The following SIPA1L1 variants were observed in gnomAD, a reference collection of about 807,000 sequenced individuals.
SIPA1L1 encodes signal induced proliferation associated 1 like 1, also known as signal-induced proliferation-associated 1-like protein 1.
In SIPA1L1, 26 loss-of-function variants were observed where a neutral mutation model predicts 162.7. The ratio of observed to expected loss-of-function variants is 0.16; its 90% CI spans 0.12 to 0.22. The LOEUF (loss-of-function observed/expected upper bound fraction) is 0.22, where lower values mean the gene tolerates loss of function less well. Ranked by LOEUF, SIPA1L1 falls within the 10% of genes least tolerant of loss-of-function variation. The pLI, the probability that SIPA1L1 is intolerant of heterozygous loss-of-function variation, is 1.00. For missense variants in SIPA1L1, 1,874 were observed against 2,241.0 expected (o/e 0.84, Z 3.31); for synonymous variants, 829 against 837.4 (o/e 0.99, Z 0.17).
intron 2 of SIPA1L1, among the ~76,000 whole-genome samples, chr14:71,374,407 T>C (rs1390661114): frequency 6.6e-6 from 1 of 151,984 alleles, no homozygotes; most frequent in Non-Finnish European, 1.5e-5. Context: ...TAAAAGTATT[T>C]TCTTGATAGA....
At chr14:71,320,778 G>A (rs926823839) in intron 1 of SIPA1L1, among the ~76,000 whole-genome samples, 1 of 149,664 alleles carries the variant, frequency 6.7e-6, no homozygotes, top group African/African-American at 2.5e-5. Context: ...CGTACTGGCC[G>A]CCCCCTCAGT....
intron 2 of SIPA1L1, among the ~76,000 whole-genome samples, chr14:71,363,062 CT>C (rs2037958772): frequency 6.6e-6 from 1 of 152,224 alleles, no homozygotes; most frequent in African/African-American, 2.4e-5. Flanking sequence ...TTTAAAATGG[CT>C]TGTAAAACTG....
rs943258150 is a variant in SIPA1L1, at chr14:71,325,469, A to C, written c.-465+4288A>C. On this transcript the variant is annotated intron_variant, in intron 2 of 23. Transcript: ENST00000381232. ...ATTTGCATAAGGGACAGAGCAACAC[A>C]GTGATTTGGTTTGTGATCATGAGGG... is the stretch of plus-strand genomic sequence containing the variant. Among the ~76,000 whole-genome samples the C allele has an allele frequency of 2.6e-5, 4 of 152,224 alleles. No individual in the cohort carries two copies. In the South Asian group the frequency reaches 8.3e-4, roughly 31 times the overall value.
chr14:71,409,563 T>C (rs934025264), intron 2 of SIPA1L1, among the ~76,000 whole-genome samples: 1 of 152,110 alleles, frequency 6.6e-6, no homozygotes, highest in Admixed American at 6.5e-5. Flanking sequence ...TGGGTCCTTT[T>C]GGAGAAAGGA....
intron 4 of SIPA1L1, among the ~76,000 whole-genome samples, chr14:71,547,521 G>A (rs900780003): frequency 4.0e-5 from 6 of 151,846 alleles, no homozygotes; most frequent in Non-Finnish European, 8.8e-5. Context: ...CTCGAACTCC[G>A]TACCTCAGGT....
At chr14:71,541,957 C>G (rs1022809211) in intron 4 of SIPA1L1, among the ~76,000 whole-genome samples, 1 of 152,096 alleles carries the variant, frequency 6.6e-6, no homozygotes, top group African/African-American at 2.4e-5. Context: ...TTCTAAAACA[C>G]GTAAGGATCA....
chr14:71,468,882 C>T (rs72728502), intron 2 of SIPA1L1, among the ~76,000 whole-genome samples: 21,251 of 152,132 alleles, frequency 0.14, 1,593 homozygotes, highest in East Asian at 0.27. Flanking sequence ...TTGTTATGTT[C>T]TTTGTTCTCT....
intron 2 of SIPA1L1, among the ~76,000 whole-genome samples, chr14:71,501,052 G>A (rs1283776734): frequency 3.9e-5 from 6 of 152,306 alleles, no homozygotes; most frequent in East Asian, 1.9e-4. Context: ...CGAGTGCAGC[G>A]GCTCAGGCCT....
At chr14:71,679,322 TC>T (rs2045545520) in intron 12 of SIPA1L1, among the ~76,000 whole-genome samples, 1 of 152,160 alleles carries the variant, frequency 6.6e-6, no homozygotes, top group Non-Finnish European at 1.5e-5. Context: ...GAATTTCATA[TC>T]CAGCCAAACT....
At chr14:71,555,144 C>A (rs933410922) in intron 4 of SIPA1L1, among the ~76,000 whole-genome samples, 2 of 152,174 alleles carry the variant, frequency 1.3e-5, no homozygotes, top group Admixed American at 1.3e-4. Context: ...CCTTTGAAGC[C>A]AGGCATTGAC....
At chr14:71,619,164 A>G (rs2148497221) in intron 6 of SIPA1L1, among the ~76,000 whole-genome samples, 1 of 152,266 alleles carries the variant, frequency 6.6e-6, no homozygotes. Flanking sequence ...AGGAAATTGG[A>G]GCCCTCAGAT....
At chr14:71,675,196 G>A (rs1378046543) in intron 12 of SIPA1L1, among the ~76,000 whole-genome samples, 1 of 152,356 alleles carries the variant, frequency 6.6e-6, no homozygotes. Flanking sequence ...GGGAGTGAAT[G>A]AGCTGTCACA....
chr14:71,378,004 A>G (rs914996259), intron 2 of SIPA1L1, among the ~76,000 whole-genome samples: 2 of 152,144 alleles, frequency 1.3e-5, no homozygotes, highest in African/African-American at 4.8e-5. Flanking sequence ...GACAGTGGAA[A>G]GAAGGAGAGG....
intron 15 of SIPA1L1, among the ~76,000 whole-genome samples, chr14:71,704,139 G>T (rs2082282292): frequency 6.6e-6 from 1 of 152,036 alleles, no homozygotes; most frequent in Non-Finnish European, 1.5e-5. Context: ...AATAATTTTT[G>T]ATATCCCAGC....
intron 5 of SIPA1L1, among the ~76,000 whole-genome samples, chr14:71,596,531 G>A (rs897080839): frequency 1.6e-4 from 25 of 152,076 alleles, no homozygotes; most frequent in African/African-American, 3.1e-4. Flanking sequence ...TTTTTTTAAA[G>A]TAGTTTTAAA....
At chr14:71,668,660 A>G (rs1256794543) in intron 10 of SIPA1L1, among the ~76,000 whole-genome samples, 1 of 152,226 alleles carries the variant, frequency 6.6e-6, no homozygotes, top group Non-Finnish European at 1.5e-5. Context: ...TTCCTGTGAT[A>G]ACTTTCCATC....
At chr14:71,339,068 T>C (rs953756560) in intron 2 of SIPA1L1, among the ~76,000 whole-genome samples, 6 of 152,198 alleles carry the variant, frequency 3.9e-5, no homozygotes, top group African/African-American at 1.4e-4. Context: ...TGAGTGCCTG[T>C]ATTATATGGC....
In SIPA1L1 at chr14:71,644,969, T is replaced by C. The variant is rs538091668; in HGVS notation, c.1819-5366T>C. 2.6e-5 allele frequency among the ~76,000 whole-genome samples: 4 copies of C among 152,314 alleles called. No homozygotes were observed. In the South Asian group the frequency reaches 6.2e-4, roughly 24 times the overall value. ...CTCAGTGCCTTAAAACAACATAGAT[T>C]TGTTATTTTACAGTTCTGTAAGTTA... is the stretch of plus-strand genomic sequence containing the variant. On this transcript the variant is annotated intron_variant, in intron 7 of 23. Transcript: ENST00000381232.
At chr14:71,349,556 A>G (rs1275894275) in intron 2 of SIPA1L1, among the ~76,000 whole-genome samples, 5 of 152,118 alleles carry the variant, frequency 3.3e-5, no homozygotes, top group East Asian at 3.9e-4. Context: ...TTTTTTTCCT[A>G]GAGAAAGGAA....
Sources: gnomAD v4.1 joint callset for allele counts (sites outside exome capture counted in the v4.1 genomes callset) on GRCh38, gnomAD v4.1.1 for gene constraint, MANE v1.5 for transcripts, NCBI Gene and HGNC (gene_info 2026-07-23, HGNC 2026-07-21) for gene names.